Variants in LHFPL3 observed in about 807,000 individuals in gnomAD.
LHFPL3 encodes the protein LHFPL tetraspan subfamily member 3 protein.
A neutral mutation model predicts 19.3 loss-of-function variants in LHFPL3; 5 were observed. The ratio of observed to expected loss-of-function variants is 0.26; its 90% CI spans 0.14 to 0.54. LHFPL3 has a LOEUF of 0.54. Ranked by LOEUF, LHFPL3 falls within the 20% of genes least tolerant of loss-of-function variation. The pLI is 0.94. For missense variants in LHFPL3, 249 were observed against 307.4 expected, an observed-to-expected ratio of 0.81 and a Z score of 1.42; for synonymous variants, 133 against 126.2, an observed-to-expected ratio of 1.05 and a Z score of -0.36.
At chr7:104,879,260 G>A (rs1472428074) in intron 2 of LHFPL3, among the ~76,000 whole-genome samples, 1 of 152,024 alleles carries the variant, frequency 6.6e-6, no homozygotes, top group Non-Finnish European at 1.5e-5. Context: ...TACAAAATAT[G>A]CAAAAGTTAG....
chr7:104,563,559 C>T (rs1343802719), intron 1 of LHFPL3, among the ~76,000 whole-genome samples: 1 of 152,266 alleles, frequency 6.6e-6, no homozygotes, highest in Non-Finnish European at 1.5e-5. Context: ...GGTGCACGCA[C>T]CCACTGACCT....
intron 2 of LHFPL3, among the ~76,000 whole-genome samples, chr7:104,792,748 T>C (rs1040679816): frequency 3.3e-5 from 5 of 152,200 alleles, no homozygotes; most frequent in Admixed American, 2.6e-4. Flanking sequence ...AACTCAATTC[T>C]GCATCTACTT....
At chr7:104,859,610 G>A (rs942807335) in intron 2 of LHFPL3, among the ~76,000 whole-genome samples, 5 of 151,126 alleles carry the variant, frequency 3.3e-5, no homozygotes, top group Non-Finnish European at 4.4e-5. Context: ...CGGAGGTTTC[G>A]GTGAGCTGAG....
chr7:104,552,607 G>T (rs1228057445), intron 1 of LHFPL3, among the ~76,000 whole-genome samples: 1 of 152,164 alleles, frequency 6.6e-6, no homozygotes, highest in African/African-American at 2.4e-5. Context: ...AAACAATAGG[G>T]ATCTGAATCA....
intron 2 of LHFPL3, among the ~76,000 whole-genome samples, chr7:104,816,783 C>G (rs1790565705): frequency 6.6e-6 from 1 of 152,230 alleles, no homozygotes; most frequent in Non-Finnish European, 1.5e-5. Flanking sequence ...AGGTGTGGAA[C>G]CATCTCACCT....
intron 1 of LHFPL3, among the ~76,000 whole-genome samples, chr7:104,430,118 T>C (rs1791927624): frequency 6.9e-6 from 1 of 145,530 alleles, no homozygotes; most frequent in South Asian, 2.1e-4. Context: ...AAAAACCAGT[T>C]AAAGACGTTC....
intron 1 of LHFPL3, among the ~76,000 whole-genome samples, chr7:104,601,875 G>A (rs1446029261): frequency 1.3e-5 from 2 of 152,054 alleles, no homozygotes; most frequent in African/African-American, 4.8e-5. Context: ...ACATTCATAG[G>A]TGTGCTCACT....
chr7:104,749,568 C>A (rs1453701040), intron 2 of LHFPL3, among the ~76,000 whole-genome samples: 1 of 152,274 alleles, frequency 6.6e-6, no homozygotes, highest in Non-Finnish European at 1.5e-5. Flanking sequence ...AAAGGCCAAT[C>A]TTTTGGGATC....
At chr7:104,416,051 A>G (rs1791615530) in intron 1 of LHFPL3, among the ~76,000 whole-genome samples, 1 of 152,230 alleles carries the variant, frequency 6.6e-6, no homozygotes, top group Admixed American at 6.5e-5. Context: ...GAGATACTGT[A>G]GTTGCAGATG....
chr7:104,872,707 C>A (rs1791859428), intron 2 of LHFPL3, among the ~76,000 whole-genome samples: 1 of 152,016 alleles, frequency 6.6e-6, no homozygotes, highest in South Asian at 2.1e-4. Flanking sequence ...TCCACCTCCA[C>A]ATCTGGTCCC....
chr7:104,368,857 A>G (rs957546108), intron 1 of LHFPL3, among the ~76,000 whole-genome samples: 1 of 152,222 alleles, frequency 6.6e-6, no homozygotes, highest in African/African-American at 2.4e-5. Context: ...AGTGCTGCAT[A>G]CATATAATAT....
At chr7:104,780,422 C>A (rs887473460) in intron 2 of LHFPL3, among the ~76,000 whole-genome samples, 7 of 152,192 alleles carry the variant, frequency 4.6e-5, no homozygotes, top group Admixed American at 1.3e-4. Context: ...GACCCCACTT[C>A]TCTAGCCCTG....
intron 1 of LHFPL3, among the ~76,000 whole-genome samples, chr7:104,553,414 T>G (rs529761270): frequency 2.6e-5 from 4 of 152,240 alleles, no homozygotes; most frequent in African/African-American, 9.6e-5. Flanking sequence ...TCAACCTAAA[T>G]AGAGTTAGGA....
At position 104,637,029 on chromosome 7, in the gene LHFPL3, A is replaced by G. The variant is rs4299942; in HGVS notation, c.446-99646A>G. On this transcript the variant is annotated intron_variant, in intron 1 of 2. Coordinates refer to ENST00000424859, the MANE Select transcript of LHFPL3 (RefSeq NM_199000.3). ...AGTGTATAAAGATTCCCTTTTCTTC[A>G]CAACCTCGCTAGCATCTGCTTTTTT... 4.5e-3 allele frequency among the ~76,000 whole-genome samples: 684 copies of G among 152,274 alleles called. 40 individuals are homozygous for G. The East Asian group carries it at 0.11, about 25-fold the overall frequency.
chr7:104,803,837 T>C (rs1207911882), intron 2 of LHFPL3: 1 of 152,234 alleles, frequency 6.6e-6, no homozygotes, highest in African/African-American at 2.4e-5. Flanking sequence ...ACGAACCAGA[T>C]GTGCCTATTA....
chr7:104,832,388 G>A (rs539000049), intron 2 of LHFPL3, among the ~76,000 whole-genome samples: 1 of 152,006 alleles, frequency 6.6e-6, no homozygotes, highest in Non-Finnish European at 1.5e-5. Context: ...TATACGGTTT[G>A]AGTGTATACA....
At chr7:104,718,532 A>G (rs1443080149) in intron 1 of LHFPL3, among the ~76,000 whole-genome samples, 2 of 152,190 alleles carry the variant, frequency 1.3e-5, no homozygotes, top group Non-Finnish European at 1.5e-5. Flanking sequence ...TTCAGCCTAT[A>G]GTGACTTTCC....
At chr7:104,858,089 T>C (rs1473513410) in intron 2 of LHFPL3, among the ~76,000 whole-genome samples, 1 of 152,192 alleles carries the variant, frequency 6.6e-6, no homozygotes, top group African/African-American at 2.4e-5. Flanking sequence ...CCATTTAACA[T>C]TACAGGTGTT....
At chr7:104,755,400 C>T (rs2116355720) in intron 2 of LHFPL3, among the ~76,000 whole-genome samples, 1 of 152,194 alleles carries the variant, frequency 6.6e-6, no homozygotes, top group African/African-American at 2.4e-5. Context: ...ATGCAATTCA[C>T]ACAAGGAGTC....
Sources: gnomAD v4.1 joint callset for allele counts (sites outside exome capture counted in the v4.1 genomes callset) on GRCh38, gnomAD v4.1.1 for gene constraint, MANE v1.5 for transcripts, NCBI Gene and HGNC (gene_info 2026-07-23, HGNC 2026-07-21) for gene names.